Variants in FBXL13 observed in about 807,000 individuals in gnomAD.
FBXL13 encodes F-box and leucine rich repeat protein 13.
Under a neutral mutation model 83.6 loss-of-function variants are expected in FBXL13, and 67 were observed. The ratio of observed to expected loss-of-function variants is 0.80; its 90% confidence interval spans 0.66 to 0.98. The LOEUF is 0.98. Ranked by LOEUF, FBXL13 falls within the 50% of genes least tolerant of loss-of-function variation. The pLI is 0.00. For missense variants in FBXL13, 822 were observed against 866.5 expected (o/e 0.95, Z 0.64); for synonymous variants, 272 against 299.5 (o/e 0.91, Z 0.95).
At chr7:103,056,510 G>A (rs1797353258) in intron 1 of FBXL13, among the ~76,000 whole-genome samples, 1 of 152,072 alleles carries the variant, frequency 6.6e-6, no homozygotes, top group Non-Finnish European at 1.5e-5. Flanking sequence ...CCAGGTTGGA[G>A]TGCAATGGTG....
rs761596275 is a variant in FBXL13 at position 102,877,552 on chromosome 7, T to C, written c.1550A>G (p.His517Arg). Reference sequence around the variant, plus strand: ...ATATCCAATTCCTTGGGCAGTCAAATGTTCACAATTTCGTAAACTCAAGTA... The same window carrying C: ...ATATCCAATTCCTTGGGCAGTCAAACGTTCACAATTTCGTAAACTCAAGTA... Residue 517 changes from histidine (H) to arginine (R), a missense_variant, in exon 16 of 20, where the codon CAT (histidine) becomes CGT (arginine). His to Arg is a conservative substitution (Grantham distance 29). Transcript: ENST00000313221. 91 of 1,611,066 alleles carry C rather than the reference T, an allele frequency of 5.6e-5. No homozygotes were observed. The highest frequency in any genetic ancestry group is 7.5e-5 in the Non-Finnish European group (88 of 1,179,150).
Position 103,050,762 on chromosome 7 carries a change from A to G in FBXL13, c.-1+4882T>C, listed in dbSNP as rs140092636. On this transcript the variant is annotated intron_variant, in intron 2 of 19. Transcript: ENST00000313221. The stretch of plus-strand genomic sequence containing the variant: ...TGAAGGCATCTTTTCCAGCAATCCC[A>G]TCAGCTCTCAAGTTTCCCCTTTTGG... Among the ~76,000 whole-genome samples the G allele has an allele frequency of 2.3e-3, 357 of 152,348 alleles. 1 individual carries two copies. The highest frequency in any genetic ancestry group is 0.02 in the Middle Eastern group (6 of 294).
rs149067463 is a variant in FBXL13 at position 102,942,263 on chromosome 7, T to G, written c.725-10330A>C. On this transcript the variant is annotated intron_variant, in intron 8 of 19. Coordinates refer to ENST00000313221, the Ensembl canonical transcript of FBXL13. The stretch of plus-strand genomic sequence containing the variant: ...AAGGCAAAATGACCTAAAGAAGTTT[T>G]AAAATGAAAGGTCTCCTATATTTCA... 3.2e-4 allele frequency: 507 copies of G among 1,573,172 alleles called. 4 individuals carry two copies. The East Asian group carries it at 9.0e-3, about 28-fold the overall frequency.
chr7:102,899,489 A>G (rs936134494), intron 11 of FBXL13, among the ~76,000 whole-genome samples: 6 of 152,190 alleles, frequency 3.9e-5, no homozygotes, highest in Admixed American at 2.6e-4. Flanking sequence ...GAAGAGAACC[A>G]CAAAGTGGCC....
At chr7:102,845,206 C>T (rs917257102) in intron 17 of FBXL13, among the ~76,000 whole-genome samples, 1 of 152,156 alleles carries the variant, frequency 6.6e-6, no homozygotes, top group Admixed American at 6.5e-5. Flanking sequence ...CGTGGCCTGG[C>T]CTTTCTCATG....
rs748002424 is a variant in FBXL13, at chr7:102,878,382, A to C, written c.1457T>G (p.Leu486Ter). 8 of 1,610,782 alleles carry C rather than the reference A, an allele frequency of 5.0e-6. No homozygotes were observed. The Admixed American group carries it at 6.7e-5, about 14-fold the overall frequency. Residue 486 changes from leucine to a stop codon, truncating the protein, a stop_gained, in exon 15 of 20, where the codon TTA (leucine) becomes TGA (stop). Coordinates refer to ENST00000313221, the Ensembl canonical transcript of FBXL13. LOFTEE classifies it high-confidence loss of function. Reference sequence around the variant, plus strand: ...ATCACTTAGCCGCACACAGTTGCTTAAATTTAGCTCTCTTATCCTCATGCT... The same window carrying C: ...ATCACTTAGCCGCACACAGTTGCTTCAATTTAGCTCTCTTATCCTCATGCT...
chr7:102,879,879 T>G (rs1403903113), intron 14 of FBXL13, among the ~76,000 whole-genome samples: 1 of 152,158 alleles, frequency 6.6e-6, no homozygotes, highest in African/African-American at 2.4e-5. Context: ...GCTAATTCTG[T>G]GTATTTTTAG....
At chr7:102,879,471 G>GTGTGTGTGTGTGT (rs1280348881) in intron 14 of FBXL13, among the ~76,000 whole-genome samples, 2 of 151,624 alleles carry the variant, frequency 1.3e-5, no homozygotes, top group African/African-American at 4.8e-5. Context: ...GTGTGTGTGT[G>GTGTGTGTGTGTGT]TAGAAATTCA....
intron 8 of FBXL13, among the ~76,000 whole-genome samples, chr7:102,961,410 C>G (rs1434291535): frequency 1.3e-5 from 2 of 150,572 alleles, no homozygotes; most frequent in African/African-American, 4.9e-5. Context: ...GCCATACTGC[C>G]CAAGGTAATT....
intron 9 of FBXL13, among the ~76,000 whole-genome samples, chr7:102,930,004 T>A (rs957337904): frequency 1.3e-5 from 2 of 151,846 alleles, no homozygotes; most frequent in African/African-American, 4.8e-5. Flanking sequence ...AATGAACAGG[T>A]GTTAGCCAGT....
At chr7:102,898,579 C>CAAAA (rs1812569490) in intron 11 of FBXL13, among the ~76,000 whole-genome samples, 1 of 152,168 alleles carries the variant, frequency 6.6e-6, no homozygotes, top group East Asian at 1.9e-4. Flanking sequence ...GCATGAGCCA[C>CAAAA]CGTGCCTGGC....
intron 6 of FBXL13, among the ~76,000 whole-genome samples, chr7:102,990,462 C>T (rs1472985080): frequency 6.6e-6 from 1 of 152,140 alleles, no homozygotes; most frequent in Admixed American, 6.5e-5. Flanking sequence ...GAAAAGAAAA[C>T]ATCATTTTTC....
At chr7:102,825,713 TA>T (rs927092261) in intron 18 of FBXL13, among the ~76,000 whole-genome samples, 2 of 152,154 alleles carry the variant, frequency 1.3e-5, no homozygotes, top group East Asian at 1.9e-4. Context: ...GGCATTACCA[TA>T]AAAAAATGTG....
rs1325133918 is a variant in FBXL13, at chr7:102,963,680, C to G, written c.592-15G>C. On this transcript the variant is annotated splice_polypyrimidine_tract_variant and intron_variant, in intron 7 of 19. Coordinates refer to ENST00000313221, the Ensembl canonical transcript of FBXL13. ...GAAAAATCAATCTAAAAAGAATAAA[C>G]AAAATGCATTAAGAAATGAGAAAGT... 6.3e-7 allele frequency: 1 copy of G among 1,582,708 alleles called. No individual in the cohort carries two copies. Among genetic ancestry groups the G allele is most frequent in the Non-Finnish European group, 8.5e-7 (1 of 1,170,446 alleles).
chr7:103,037,610 G>GC (rs1287420604), intron 2 of FBXL13, among the ~76,000 whole-genome samples: 1 of 151,948 alleles, frequency 6.6e-6, no homozygotes, highest in Non-Finnish European at 1.5e-5. Flanking sequence ...TTTGAGACCA[G>GC]CTGGGGCAAC....
At chr7:102,867,923 C>T (rs1189636956) in intron 16 of FBXL13, among the ~76,000 whole-genome samples, 2 of 151,318 alleles carry the variant, frequency 1.3e-5, no homozygotes, top group South Asian at 2.1e-4. Flanking sequence ...AGGATGGTCT[C>T]GATCTCCTGA....
At chr7:102,912,673 C>A (rs1340055053) in intron 11 of FBXL13, among the ~76,000 whole-genome samples, 7 of 73,862 alleles carry the variant, frequency 9.5e-5, no homozygotes, top group Admixed American at 3.8e-4. Flanking sequence ...AGCATTTTAC[C>A]CCCCCCCCCC....
chr7:102,997,714 T>C (rs968994869), intron 6 of FBXL13, among the ~76,000 whole-genome samples: 12 of 152,228 alleles, frequency 7.9e-5, no homozygotes, highest in African/African-American at 2.9e-4. Context: ...CATAATGACC[T>C]TCAGTTCCAT....
At chr7:103,048,001 C>T (rs1347960236) in intron 2 of FBXL13, among the ~76,000 whole-genome samples, 1 of 152,270 alleles carries the variant, frequency 6.6e-6, no homozygotes, top group Non-Finnish European at 1.5e-5. Context: ...TGGCCCCATA[C>T]AATTTTAGAA....
Sources: gnomAD v4.1 joint callset for allele counts (sites outside exome capture counted in the v4.1 genomes callset) on GRCh38, gnomAD v4.1.1 for gene constraint, MANE v1.5 for transcripts, NCBI Gene and HGNC (gene_info 2026-07-23, HGNC 2026-07-21) for gene names.